The following HHLA2 variants were observed in gnomAD, a reference collection of about 807,000 sequenced individuals.
HHLA2 encodes HHLA2 member of B7 family, also known as HERV-H LTR-associating protein 2.
In HHLA2, 48 loss-of-function variants were observed where a neutral mutation model predicts 45.9. The ratio of observed to expected loss-of-function variants is 1.05; its 90% CI spans 0.83 to 1.33. The LOEUF is 1.33. HHLA2 is among the 40% of genes most tolerant of loss of function. HHLA2 has a pLI of 0.00. For synonymous variants in HHLA2, 161 were observed against 173.9 expected, an observed-to-expected ratio of 0.93 and a Z score of 0.59; for missense variants, 462 against 494.3, an observed-to-expected ratio of 0.93 and a Z score of 0.62.
chr3:108,335,180 A>G lies in HHLA2; in HGVS notation c.-27+6833A>G, dbSNP rs572867330. Among the ~76,000 whole-genome samples, 190 of 152,338 alleles carry G rather than the reference A, an allele frequency of 1.2e-3. 2 individuals carry two copies. The highest frequency in any genetic ancestry group is 3.4e-3 in the Middle Eastern group (1 of 294). Reference sequence around the variant, plus strand: ...TGTTTGAGTTTTAGATTCTATGATCAGGGATCCAGGATCCACAAGAAAGAC... The same window carrying G: ...TGTTTGAGTTTTAGATTCTATGATCGGGGATCCAGGATCCACAAGAAAGAC... On this transcript the variant is annotated intron_variant, in intron 3 of 10. Transcript: ENST00000619531.
At chr3:108,339,091 A>G (rs2107409622) in intron 3 of HHLA2, among the ~76,000 whole-genome samples, 1 of 152,346 alleles carries the variant, frequency 6.6e-6, no homozygotes, top group East Asian at 1.9e-4. Flanking sequence ...AACTGAAAGC[A>G]GACAAATGAT....
At chr3:108,318,258 C>A (rs2081137728) in intron 2 of HHLA2, among the ~76,000 whole-genome samples, 1 of 151,456 alleles carries the variant, frequency 6.6e-6, no homozygotes, top group Non-Finnish European at 1.5e-5. Flanking sequence ...CAATATTTTT[C>A]TTCAGACCTC....
chr3:108,331,470 T>C (rs2081384257), intron 3 of HHLA2, among the ~76,000 whole-genome samples: 1 of 152,086 alleles, frequency 6.6e-6, no homozygotes, highest in South Asian at 2.1e-4. Context: ...AATCATGACA[T>C]TTCACCCCTA....
At chr3:108,365,782 T>C (rs1342697289) in intron 8 of HHLA2, among the ~76,000 whole-genome samples, 1 of 152,208 alleles carries the variant, frequency 6.6e-6, no homozygotes, top group Non-Finnish European at 1.5e-5. Context: ...TGGGTCTCTG[T>C]TTGTCTGTTA....
At chr3:108,351,060 C>T (rs1293218967) in intron 3 of HHLA2, among the ~76,000 whole-genome samples, 1 of 152,192 alleles carries the variant, frequency 6.6e-6, no homozygotes, top group African/African-American at 2.4e-5. Flanking sequence ...CAAGCTATTT[C>T]TTACAGTGTA....
intron 8 of HHLA2, among the ~76,000 whole-genome samples, chr3:108,365,482 GTT>G (rs2082049047): frequency 6.6e-6 from 1 of 152,064 alleles, no homozygotes; most frequent in Non-Finnish European, 1.5e-5. Context: ...TATATGGGCT[GTT>G]TTTTGGTTCC....
chr3:108,322,644 C>T (rs1432132447), intron 2 of HHLA2, among the ~76,000 whole-genome samples: 1 of 152,212 alleles, frequency 6.6e-6, no homozygotes, highest in East Asian at 1.9e-4. Flanking sequence ...TACTTATTCT[C>T]ATTCTTGCTT....
chr3:108,363,180 G>A (rs1043900920), intron 8 of HHLA2, among the ~76,000 whole-genome samples: 1 of 152,156 alleles, frequency 6.6e-6, no homozygotes, highest in African/African-American at 2.4e-5. Context: ...TTTAGTACCA[G>A]AATTTTGAGC....
At chr3:108,377,928 G>GAATACATACATACATTCA (rs2082302655) in exon 11 of HHLA2, 1 of 152,126 alleles carries the variant, frequency 6.6e-6, no homozygotes, top group East Asian at 1.9e-4. Flanking sequence ...ACATCCAGAT[G>GAATACATACATACATTCA]GCCTAAAGTA....
In HHLA2 at chr3:108,376,780, C is replaced by T. The variant is rs188664815; in HGVS notation, c.1224+223C>T. The stretch of plus-strand genomic sequence containing the variant: ...CTTGCTTAAATACATGGTTGTTCTT[C>T]TTGTCTCCTATTGTTATTTGTAGAG... On this transcript the variant is annotated intron_variant, in intron 10 of 10. Transcript: ENST00000619531. 1.1e-3 allele frequency: 510 copies of T among 448,580 alleles called. 4 individuals carry two copies. Among genetic ancestry groups the T allele is most frequent in the African/African-American group, 9.5e-3 (465 of 48,802 alleles). 27.8% of individuals were successfully genotyped at this position (448,580 alleles called of 1,614,324 possible).
chr3:108,321,440 C>T (rs1389897728), intron 2 of HHLA2, among the ~76,000 whole-genome samples: 1 of 152,174 alleles, frequency 6.6e-6, no homozygotes, highest in African/African-American at 2.4e-5. Flanking sequence ...TTTGACCATA[C>T]TTGCAAGTTA....
At chr3:108,318,316 G>A (rs532853838) in intron 2 of HHLA2, among the ~76,000 whole-genome samples, 3 of 152,082 alleles carry the variant, frequency 2.0e-5, no homozygotes, top group Non-Finnish European at 4.4e-5. Context: ...TTTCATGGAG[G>A]GTATAGCCAG....
At chr3:108,322,584 G>T (rs1182922990) in intron 2 of HHLA2, among the ~76,000 whole-genome samples, 1 of 152,140 alleles carries the variant, frequency 6.6e-6, no homozygotes, top group African/African-American at 2.4e-5. Flanking sequence ...CCTATGTGGG[G>T]GAGTGGATTT....
At chr3:108,366,778 C>CTAA (rs1440880647) in intron 8 of HHLA2, among the ~76,000 whole-genome samples, 1 of 152,242 alleles carries the variant, frequency 6.6e-6, no homozygotes, top group Admixed American at 6.5e-5. Flanking sequence ...ATAGTATTCT[C>CTAA]TAATAGTAGC....
At chr3:108,351,732 C>A in intron 3 of HHLA2, 56 bp from the exon 3 acceptor site, 1 of 1,078,830 alleles carries the variant, frequency 9.3e-7, no homozygotes, top group East Asian at 2.5e-5. Context: ...CACTCTTTTC[C>A]AATTCCCTTT....
intron 2 of HHLA2, among the ~76,000 whole-genome samples, chr3:108,315,088 A>G (rs2081080788): frequency 6.6e-6 from 1 of 152,186 alleles, no homozygotes; most frequent in Non-Finnish European, 1.5e-5. Context: ...GTGCTTTTGT[A>G]CCCACGTTAA....
chr3:108,301,002 T>C (rs941543461), intron 1 of HHLA2, among the ~76,000 whole-genome samples: 1 of 152,124 alleles, frequency 6.6e-6, no homozygotes, highest in African/African-American at 2.4e-5. Flanking sequence ...TTCCTTTCTC[T>C]CATTTTCACT....
At chr3:108,358,875 T>C (rs1429382293) in intron 7 of HHLA2, among the ~76,000 whole-genome samples, 2 of 152,216 alleles carry the variant, frequency 1.3e-5, no homozygotes, top group African/African-American at 4.8e-5. Flanking sequence ...ATCATTTCAA[T>C]TGTGAAAATT....
chr3:108,363,974 T>A (rs2082021023), intron 8 of HHLA2, among the ~76,000 whole-genome samples: 1 of 37,622 alleles, frequency 2.7e-5, no homozygotes, highest in Non-Finnish European at 8.9e-5. Flanking sequence ...GTGACTTACT[T>A]CTTTTTTTTT....
Sources: allele counts gnomAD v4.1 joint callset (sites outside exome capture counted in the v4.1 genomes callset), GRCh38; gene constraint gnomAD v4.1.1; transcripts MANE v1.5; gene names NCBI Gene and HGNC (gene_info 2026-07-23, HGNC 2026-07-21).